Variants in ULK4 observed in about 807,000 individuals in gnomAD.
ULK4 encodes the protein unc-51 like kinase 4, also known as inactive serine/threonine-protein kinase ULK4.
ULK4 carries 133 observed loss-of-function variants against 160.6 expected under a neutral mutation model. The observed-to-expected ratio is 0.83, with a 90% CI of 0.72 to 0.96. The LOEUF is 0.96. ULK4 is among the 40% of genes least tolerant of loss of function. The pLI is 0.00. For missense variants in ULK4, 1,580 were observed against 1,499.5 expected, an observed-to-expected ratio of 1.05 and a Z score of -0.89; for synonymous variants, 534 against 539.8, an observed-to-expected ratio of 0.99 and a Z score of 0.15.
At chr3:41,524,914 G>C (rs2086060860) in intron 32 of ULK4, among the ~76,000 whole-genome samples, 1 of 152,062 alleles carries the variant, frequency 6.6e-6, no homozygotes, top group Non-Finnish European at 1.5e-5. Flanking sequence ...CTCCAGTCTG[G>C]CGATAGAGCA....
intron 21 of ULK4, chr3:41,766,909 C>A (rs1441621553): frequency 6.6e-6 from 1 of 152,196 alleles, no homozygotes; most frequent in Non-Finnish European, 1.5e-5. Context: ...AGCCAGATTG[C>A]CCTCACATCC....
chr3:41,896,026 T>C (rs1392162599), intron 15 of ULK4, among the ~76,000 whole-genome samples: 1 of 151,954 alleles, frequency 6.6e-6, no homozygotes, highest in East Asian at 1.9e-4. Context: ...TCTGACAAAT[T>C]CCCTTGAGCT....
intron 5 of ULK4, among the ~76,000 whole-genome samples, chr3:41,923,102 AG>A (rs1217113421): frequency 6.6e-6 from 1 of 151,628 alleles, no homozygotes; most frequent in Non-Finnish European, 1.5e-5. Flanking sequence ...TGGGAGGCAG[AG>A]GTTGCACTGA....
At position 41,865,750 on chromosome 3, in the gene ULK4, A is replaced by T. The variant is rs2042602231; in HGVS notation, c.1656+18124T>A. On this transcript the variant is annotated intron_variant, in intron 17 of 36. Coordinates refer to ENST00000301831, the MANE Select transcript of ULK4 (RefSeq NM_017886.4). The stretch of plus-strand genomic sequence containing the variant: ...AAAATTTTTTTAAATAAATTTAAAA[A>T]ACCCTCAATTCATACCTAACTCCCT... Among the ~76,000 whole-genome samples, 3 of 152,134 alleles carry T rather than the reference A, an allele frequency of 2.0e-5. No homozygotes were observed. In the South Asian group the frequency reaches 6.2e-4, roughly 31 times the overall value.
chr3:41,435,909 T>C (rs528988578), intron 34 of ULK4, among the ~76,000 whole-genome samples: 44 of 152,142 alleles, frequency 2.9e-4, no homozygotes, highest in African/African-American at 9.9e-4. Flanking sequence ...GATTGCGCCA[T>C]TGTACTCTAG....
chr3:41,434,256 C>T (rs1054475446), intron 34 of ULK4, among the ~76,000 whole-genome samples: 1 of 152,096 alleles, frequency 6.6e-6, no homozygotes, highest in Non-Finnish European at 1.5e-5. Flanking sequence ...GGCAAATATT[C>T]CAAAATTCAA....
chr3:41,770,017 T>C (rs990996583), intron 21 of ULK4, among the ~76,000 whole-genome samples: 12 of 152,334 alleles, frequency 7.9e-5, no homozygotes, highest in African/African-American at 2.9e-4. Flanking sequence ...AAATCTAAAA[T>C]TGTTTTTGGA....
chr3:41,584,164 A>G (rs781462449), intron 31 of ULK4, among the ~76,000 whole-genome samples: 14 of 152,262 alleles, frequency 9.2e-5, no homozygotes, highest in Non-Finnish European at 1.9e-4. Flanking sequence ...AGAAGATTAT[A>G]CAAAGACCAG....
chr3:41,571,324 C>T (rs79638771), intron 31 of ULK4, among the ~76,000 whole-genome samples: 3,540 of 152,230 alleles, frequency 0.023, 56 homozygotes, highest in Non-Finnish European at 0.033. Flanking sequence ...GCATCATTTC[C>T]CCAAAAAGAA....
chr3:41,437,862 A>C (rs2083071901), intron 34 of ULK4, among the ~76,000 whole-genome samples: 1 of 152,172 alleles, frequency 6.6e-6, no homozygotes, highest in South Asian at 2.1e-4. Flanking sequence ...GATTCTGTTT[A>C]CAAGTCCTTT....
At chr3:41,815,617 G>A (rs909015331) in intron 19 of ULK4, among the ~76,000 whole-genome samples, 4 of 152,168 alleles carry the variant, frequency 2.6e-5, no homozygotes, top group African/African-American at 4.8e-5. Context: ...ACTCCCAGCT[G>A]CAAATACGTC....
intron 35 of ULK4, among the ~76,000 whole-genome samples, chr3:41,311,142 T>C (rs2080041187): frequency 6.6e-6 from 1 of 152,198 alleles, no homozygotes. Flanking sequence ...TTATTCTAGA[T>C]GTTCAACAAA....
At chr3:41,492,039 T>C (rs562219437) in intron 32 of ULK4, among the ~76,000 whole-genome samples, 2 of 152,150 alleles carry the variant, frequency 1.3e-5, no homozygotes, top group East Asian at 3.9e-4. Flanking sequence ...ATTTCATCCA[T>C]GTCCCTACAA....
At position 41,377,424 on chromosome 3, in the gene ULK4, G is replaced by C. The variant is rs2081529825; in HGVS notation, c.3678+20655C>G. On this transcript the variant is annotated intron_variant, in intron 35 of 36. Coordinates refer to ENST00000301831, the MANE Select transcript of ULK4 (RefSeq NM_017886.4). ...TGCACAGCAAAAGAAACTACCATCAGAGTGAACAGGCAACCTACAAAATGG... is the reference window on the plus strand; with the variant it reads ...TGCACAGCAAAAGAAACTACCATCACAGTGAACAGGCAACCTACAAAATGG... Among the ~76,000 whole-genome samples, 2 of 150,508 alleles carry C rather than the reference G, an allele frequency of 1.3e-5. 1 individual carries two copies. Among genetic ancestry groups the C allele is most frequent in the Non-Finnish European group, 2.9e-5 (2 of 67,850 alleles).
At chr3:41,406,698 G>A (rs2082299961) in intron 34 of ULK4, among the ~76,000 whole-genome samples, 1 of 152,044 alleles carries the variant, frequency 6.6e-6, no homozygotes, top group East Asian at 1.9e-4. Flanking sequence ...CTACTTTCCT[G>A]TGGGTTACTT....
chr3:41,698,952 T>G, intron 27 of ULK4, among the ~76,000 whole-genome samples: 1 of 152,236 alleles, frequency 6.6e-6, no homozygotes, highest in Non-Finnish European at 1.5e-5. Flanking sequence ...TCCATGTCGT[T>G]AAGTGTAACT....
intron 27 of ULK4, among the ~76,000 whole-genome samples, chr3:41,694,258 A>T: frequency 6.6e-6 from 1 of 152,226 alleles, no homozygotes; most frequent in East Asian, 1.9e-4. Context: ...GTGTGCAGAT[A>T]GGCACGTGTA....
chr3:41,822,286 C>T (rs902862248), intron 18 of ULK4, among the ~76,000 whole-genome samples: 1 of 152,178 alleles, frequency 6.6e-6, no homozygotes, highest in East Asian at 1.9e-4. Context: ...AAAGCACCTA[C>T]GGTGCACCAG....
intron 2 of ULK4, among the ~76,000 whole-genome samples, chr3:41,941,764 A>AAAAAAAAT (rs1699967375): frequency 6.8e-6 from 1 of 147,950 alleles, no homozygotes; most frequent in Non-Finnish European, 1.5e-5. Context: ...TCAAAAAAAA[A>AAAAAAAAT]AAAAAAAAAA....
Sources: allele counts gnomAD v4.1 joint callset (sites outside exome capture counted in the v4.1 genomes callset), GRCh38; gene constraint gnomAD v4.1.1; transcripts MANE v1.5; gene names NCBI Gene and HGNC (gene_info 2026-07-23, HGNC 2026-07-21).